The following ERCC2 variants were observed in gnomAD, a reference collection of about 807,000 sequenced individuals.
The protein encoded by ERCC2 is ERCC excision repair 2, TFIIH core complex helicase subunit.
ERCC2 carries 90 observed loss-of-function variants against 99.4 expected under a neutral mutation model. The observed-to-expected ratio is 0.91, with a 90% CI of 0.76 to 1.08. ERCC2 has a LOEUF of 1.08. ERCC2 is among the 50% of genes least tolerant of loss of function. The pLI is 0.00. For synonymous variants in ERCC2, 497 were observed against 432.4 expected (o/e 1.15, Z -1.85); for missense variants, 993 against 1,038.1 (o/e 0.96, Z 0.60).
chr19:45,364,179 G>A (rs1972336673), intron 9 of ERCC2, 56 bp downstream of exon 9: 1 of 1,611,626 alleles, frequency 6.2e-7, no homozygotes, highest in East Asian at 2.2e-5. Context: ...AAGTCAGACA[G>A]GGGCCAGGGT....
chr19:45,351,527 C>A lies in ERCC2; in HGVS notation c.*102G>T. On this transcript the variant is annotated 3_prime_UTR_variant, in exon 23 of 23. Coordinates refer to ENST00000391945, the MANE Select transcript of ERCC2 (RefSeq NM_000400.4). ...CTGTGGACGTGACAGTGAGAAATGTCACCTGACTTCATAAGACCTTCTAGC... is the reference window on the plus strand; with the variant it reads ...CTGTGGACGTGACAGTGAGAAATGTAACCTGACTTCATAAGACCTTCTAGC... The A allele has an allele frequency of 6.2e-7, 1 of 1,602,396 alleles. No individual in the cohort carries two copies. The highest frequency in any genetic ancestry group is 1.1e-5 in the South Asian group (1 of 90,836).
In ERCC2 at chr19:45,350,638, C is replaced by T. The variant is rs2123206261; in HGVS notation, c.*991G>A. ...CTGAGCAGCATCCCCGGCCCCTCCC[C>T]AGGCCCTTCGCCGCAGCAGCTCACT... On this transcript the variant is annotated 3_prime_UTR_variant, in exon 23 of 23. Transcript: ENST00000391945. 2 of 1,613,504 alleles carry T rather than the reference C, an allele frequency of 1.2e-6. No homozygotes were observed. Among genetic ancestry groups the T allele is most frequent in the Non-Finnish European group, 1.7e-6 (2 of 1,179,568 alleles).
rs1971821377 is a variant in ERCC2 at position 45,352,128 on chromosome 19, G to A, written c.2190+81C>T. ...CAGGAGGACAGGCAGGCTGAGGGTG[G>A]GGAGTGGGGAGAATCCAAGGGGACT... On this transcript the variant is annotated intron_variant, in intron 22 of 22. Coordinates refer to ENST00000391945, the MANE Select transcript of ERCC2 (RefSeq NM_000400.4). 5.4e-6 allele frequency: 8 copies of A among 1,475,698 alleles called. No individual in the cohort carries two copies. The Admixed American group carries it at 1.3e-4, about 24-fold the overall frequency. 91.4% of individuals were successfully genotyped at this position (1,475,698 alleles called of 1,614,324 possible).
At position 45,352,509 on chromosome 19, in the gene ERCC2, G is replaced by T; in HGVS notation, c.2043C>A (p.Asp681Glu). 1 of 1,614,156 alleles carries T rather than the reference G, an allele frequency of 6.2e-7. No individual in the cohort carries two copies. Among genetic ancestry groups the T allele is most frequent in the Non-Finnish European group, 8.5e-7 (1 of 1,180,012 alleles). ...KTDYGLMVFA[D>E]KRFARGDKRG... The stretch of plus-strand genomic sequence containing the variant: ...AGGGGCACCCCTGAAGCTGCACCTT[G>T]TCGGCAAAGACCATGAGGCCGTAGT... The change falls in exon 21 of 23, where the codon GAC becomes GAA. Residue 681 changes from aspartate (D) to glutamate (E), a missense_variant. Around this residue, in one of 3 missense-constraint regions of ERCC2, gnomAD observed 909 missense variants for 930.8 expected, o/e 0.98. Coordinates refer to ENST00000391945, the MANE Select transcript of ERCC2 (RefSeq NM_000400.4).
chr19:45,352,087 TTC>T, intron 22 of ERCC2, 120 bp downstream of exon 22: 2 of 1,187,324 alleles, frequency 1.7e-6, no homozygotes, highest in Non-Finnish European at 2.4e-6. Flanking sequence ...CACGATAAAC[TTC>T]TCTTTGCTGA....
At position 45,351,273 on chromosome 19, in the gene ERCC2, T is replaced by C; in HGVS notation, c.*356A>G. On this transcript the variant is annotated 3_prime_UTR_variant, in exon 23 of 23. Transcript: ENST00000391945. ...TCACCTCCCCTCCAACCATCCCCTG[T>C]GCCTGTCTCCAGTTTCCCAGCTGGC... is the stretch of plus-strand genomic sequence containing the variant. 1 of 1,611,988 alleles carries C rather than the reference T, an allele frequency of 6.2e-7. No individual in the cohort carries two copies. Among genetic ancestry groups the C allele is most frequent in the Non-Finnish European group, 8.5e-7 (1 of 1,179,746 alleles).
intron 11 of ERCC2, 66 bp downstream of exon 11, chr19:45,363,677 G>A: frequency 6.8e-7 from 1 of 1,477,178 alleles, no homozygotes; most frequent in South Asian, 1.3e-5. Flanking sequence ...TACAGGCGTG[G>A]AGGACACGGC....
Position 45,351,530 on chromosome 19 carries a change from C to T in ERCC2, c.*99G>A. 2.5e-6 allele frequency: 4 copies of T among 1,603,022 alleles called. No individual in the cohort carries two copies. The highest frequency in any genetic ancestry group is 3.4e-6 in the Non-Finnish European group (4 of 1,178,994). On this transcript the variant is annotated 3_prime_UTR_variant, in exon 23 of 23. Coordinates refer to ENST00000391945, the MANE Select transcript of ERCC2 (RefSeq NM_000400.4). ...TGGACGTGACAGTGAGAAATGTCAC[C>T]TGACTTCATAAGACCTTCTAGCACC...
chr19:45,361,754 C>T (rs1172590259), intron 11 of ERCC2, 112 bp from the exon 12 acceptor site: 1 of 813,718 alleles, frequency 1.2e-6, no homozygotes, highest in Non-Finnish European at 2.1e-6. Context: ...CCAATGAGCA[C>T]TCAGTGAGGG....
chr19:45,369,984 A>G (rs1972550175), intron 2 of ERCC2, 149 bp downstream of exon 2: 1 of 694,972 alleles, frequency 1.4e-6, no homozygotes, highest in East Asian at 2.9e-5. Context: ...CCTATTCACC[A>G]TTATTGTTTT....
At chr19:45,357,976 C>A in intron 12 of ERCC2, 1 of 544,268 alleles carries the variant, frequency 1.8e-6, no homozygotes, top group East Asian at 3.2e-5. Flanking sequence ...ACTCTCCCAG[C>A]ACCGCATGGG....
chr19:45,355,387 G>A (rs924173881), intron 16 of ERCC2, among the ~76,000 whole-genome samples: 2 of 152,174 alleles, frequency 1.3e-5, no homozygotes, highest in African/African-American at 4.8e-5. Context: ...TTCCAGGGGA[G>A]CACCCTTAGG....
intron 12 of ERCC2, 107 bp from the exon 13 acceptor site, chr19:45,357,806 C>T (rs1326241036): frequency 3.7e-5 from 38 of 1,024,528 alleles, no homozygotes; most frequent in Admixed American, 1.2e-4. Flanking sequence ...ATCTCCACCC[C>T]GTACTGCCTG....
Position 45,361,639 on chromosome 19 carries a change from G to A in ERCC2, c.1122C>T (p.Phe374=). 6.2e-7 allele frequency: 1 copy of A among 1,611,838 alleles called. No homozygotes were observed. The change falls in exon 12 of 23, where the codon TTC becomes TTT. Residue 374 remains phenylalanine (F), a synonymous_variant. Coordinates refer to ENST00000391945, the MANE Select transcript of ERCC2 (RefSeq NM_000400.4). ...GCAGGGACCGGAGGCGTTCAGCACA[G>A]AATCTGGCGGGGAGGAGAGACGGGG... ...RVCIQRKPLR[F]CAERLRSLLH...
Position 45,363,999 on chromosome 19 carries a change from G to T in ERCC2, c.936C>A (p.Asp312Glu). ...DAHLANPVLP[D>E]EVLQEAVPGS... ...GTCGGGGCTCACCCTGCAGCACTTC[G>T]TCGGGCAGCACGGGGTTGGCCAGGT... The change falls in exon 10 of 23, where the codon GAC (aspartate) becomes GAA (glutamate). Residue 312 changes from aspartate to glutamate, a missense_variant. Physicochemically the swap from Asp to Glu is conservative, Grantham distance 45. Around this residue, in one of 3 missense-constraint regions of ERCC2, gnomAD observed 909 missense variants for 930.8 expected, o/e 0.98. Transcript: ENST00000391945. 1 of 1,544,014 alleles carries T rather than the reference G, an allele frequency of 6.5e-7. No homozygotes were observed. Among genetic ancestry groups the T allele is most frequent in the Non-Finnish European group, 8.7e-7 (1 of 1,147,392 alleles).
At chr19:45,363,594 G>T (rs1382920336) in intron 11 of ERCC2, 149 bp downstream of exon 11, 2 of 941,856 alleles carry the variant, frequency 2.1e-6, no homozygotes, top group Admixed American at 5.5e-5. Flanking sequence ...GGACCTCCCA[G>T]GTCAGACCAG....
At chr19:45,352,702 T>TGATCCTAACACTGTGGGACTCCCTGG (rs1971853740) in intron 20 of ERCC2, 44 bp downstream of exon 20, 1 of 1,613,928 alleles carries the variant, frequency 6.2e-7, no homozygotes, top group East Asian at 2.2e-5. Flanking sequence ...ACTCCTCCCT[T>TGATCCTAACACTGTGGGACTCCCTGG]GATCCTAACA....
intron 12 of ERCC2, chr19:45,358,994 G>T: frequency 4.4e-6 from 3 of 681,152 alleles, no homozygotes. Context: ...CCTCTGTGCT[G>T]GGGACACAGT....
rs368256770 is a variant in ERCC2, at chr19:45,352,914, GGA to G, written c.1832-100_1832-99del. 6.1e-6 allele frequency: 8 copies of G among 1,303,950 alleles called. No homozygotes were observed. In the African/African-American group the frequency reaches 8.7e-5, roughly 14 times the overall value. 80.8% of individuals were successfully genotyped at this position (1,303,950 alleles called of 1,614,324 possible). On this transcript the variant is annotated intron_variant, in intron 19 of 22. Transcript: ENST00000391945. ...CCAGGATGCTGTGTCTGAGTTGGGG[GGA>G]GAGGGTGTGTTCCCGCCGGGTGCCT...
Sources: gnomAD v4.1 joint callset for allele counts (sites outside exome capture counted in the v4.1 genomes callset) on GRCh38, gnomAD v4.1.1 for gene constraint, gnomAD v4.1.1 regional missense constraint, MANE v1.5 for transcripts, NCBI Gene and HGNC (gene_info 2026-07-23, HGNC 2026-07-21) for gene names.